The following CSMD3 variants were observed in gnomAD, a reference collection of about 807,000 sequenced individuals.
The protein encoded by CSMD3 is CUB and sushi domain-containing protein 3.
Under a neutral mutation model 435.2 loss-of-function variants are expected in CSMD3, and 177 were observed. The ratio of observed to expected loss-of-function variants is 0.41; its 90% CI spans 0.36 to 0.46. The LOEUF (loss-of-function observed/expected upper bound fraction) is 0.46. Among genes scored for constraint, CSMD3 ranks in the 20% least tolerant of loss-of-function variants. CSMD3 has a pLI of 0.34. For missense variants in CSMD3, 4,265 were observed against 4,504.6 expected (o/e 0.95, Z 1.52); for synonymous variants, 1,656 against 1,520.5 (o/e 1.09, Z -2.07).
intron 11 of CSMD3, among the ~76,000 whole-genome samples, chr8:112,842,503 G>C (rs1461815144): frequency 6.6e-6 from 1 of 151,476 alleles, no homozygotes; most frequent in African/African-American, 2.4e-5. Context: ...GGTGGTAGCA[G>C]TTGCAGTAGT....
intron 13 of CSMD3, among the ~76,000 whole-genome samples, chr8:112,712,262 T>C (rs1437938302): frequency 6.6e-6 from 1 of 152,066 alleles, no homozygotes; most frequent in Admixed American, 6.6e-5. Flanking sequence ...CAAACAACAA[T>C]AAAAAACACC....
At chr8:112,622,096 T>C (rs748475566) in intron 22 of CSMD3, among the ~76,000 whole-genome samples, 63 of 152,184 alleles carry the variant, frequency 4.1e-4, no homozygotes, top group Non-Finnish European at 5.4e-4. Flanking sequence ...ACCAAATATT[T>C]GCGTCTGAAT....
chr8:112,537,471 AATTAACAATTTTTTCTTAGCTAG>A (rs1271008208), intron 27 of CSMD3, among the ~76,000 whole-genome samples: 1 of 151,948 alleles, frequency 6.6e-6, no homozygotes, highest in African/African-American at 2.4e-5. Context: ...AGATAAACTA[AATTAACAATTTTTTCTTAGCTAG>A]ATTAAGAGAA....
intron 24 of CSMD3, among the ~76,000 whole-genome samples, chr8:112,557,739 C>T (rs1232811920): frequency 1.3e-5 from 2 of 151,918 alleles, no homozygotes; most frequent in African/African-American, 2.4e-5. Flanking sequence ...CCCTTCTGGA[C>T]CTCAGCTATG....
At chr8:112,887,375 A>C (rs2081635272) in intron 10 of CSMD3, among the ~76,000 whole-genome samples, 1 of 151,332 alleles carries the variant, frequency 6.6e-6, no homozygotes, top group African/African-American at 2.4e-5. Flanking sequence ...GAGGTAATCT[A>C]ATAGAGTATT....
At chr8:112,615,447 GTTT>G (rs1042225727) in intron 22 of CSMD3, among the ~76,000 whole-genome samples, 19 of 151,966 alleles carry the variant, frequency 1.3e-4, no homozygotes, top group African/African-American at 4.3e-4. Context: ...TTAATTGAGA[GTTT>G]TTTTTATCTT....
In CSMD3 at chr8:112,685,395, C is replaced by A. The variant is rs775949017; in HGVS notation, c.2482+11G>T. 8.7e-6 allele frequency: 14 copies of A among 1,605,380 alleles called. No homozygotes were observed. The South Asian group carries it at 1.4e-4, about 16-fold the overall frequency. On this transcript the variant is annotated intron_variant, in intron 15 of 70. Coordinates refer to ENST00000297405, the MANE Select transcript of CSMD3 (RefSeq NM_198123.2). ...ATATTATATGGGAAAAAAACAGAAA[C>A]AGAAACTTACTGTTGTAAGTGATGT...
intron 3 of CSMD3, among the ~76,000 whole-genome samples, chr8:113,247,504 C>T (rs868075514): frequency 1.3e-5 from 2 of 152,140 alleles, no homozygotes; most frequent in South Asian, 4.2e-4. Flanking sequence ...AATTATCAAC[C>T]ACTGAGATTT....
chr8:112,802,373 T>G (rs1004216170), intron 12 of CSMD3, among the ~76,000 whole-genome samples: 30 of 152,016 alleles, frequency 2.0e-4, no homozygotes, highest in African/African-American at 7.0e-4. Context: ...TCTGGGGAGT[T>G]AAAGCCTAGG....
At chr8:112,792,543 T>C (rs907832251) in intron 13 of CSMD3, among the ~76,000 whole-genome samples, 1 of 152,156 alleles carries the variant, frequency 6.6e-6, no homozygotes, top group African/African-American at 2.4e-5. Context: ...AGGTTCAACA[T>C]ATAAATTTGG....
intron 56 of CSMD3, among the ~76,000 whole-genome samples, chr8:112,291,269 A>G (rs1368881512): frequency 4.6e-5 from 7 of 151,952 alleles, no homozygotes; most frequent in Admixed American, 2.0e-4. Flanking sequence ...TTCATATTTT[A>G]TATGCTCCAA....
intron 59 of CSMD3, among the ~76,000 whole-genome samples, chr8:112,270,363 T>TGTGTGTGTGTGTGTTAGGGGTGA (rs1554623020): frequency 7.2e-5 from 10 of 139,662 alleles, no homozygotes; most frequent in South Asian, 2.1e-4. Flanking sequence ...TGTGTGTGTG[T>TGTGTGTGTGTGTGTTAGGGGTGA]GTGTGTGTGT....
intron 37 of CSMD3, among the ~76,000 whole-genome samples, chr8:112,380,783 G>A (rs552468650): frequency 9.9e-5 from 15 of 152,164 alleles, no homozygotes; most frequent in Admixed American, 2.0e-4. Flanking sequence ...TCAGTATTCC[G>A]TGCACAAGCT....
intron 5 of CSMD3, among the ~76,000 whole-genome samples, chr8:113,058,440 T>C (rs1010871223): frequency 1.3e-5 from 2 of 151,894 alleles, no homozygotes; most frequent in African/African-American, 4.8e-5. Context: ...TAATAAACTT[T>C]CAAAACAAGG....
intron 5 of CSMD3, among the ~76,000 whole-genome samples, chr8:113,031,324 C>T (rs545513438): frequency 6.6e-6 from 1 of 151,738 alleles, no homozygotes; most frequent in South Asian, 2.1e-4. Flanking sequence ...TAAAAAGGAA[C>T]AAACTACTGA....
chr8:112,879,469 T>C (rs1173890575), intron 10 of CSMD3, among the ~76,000 whole-genome samples: 1 of 152,094 alleles, frequency 6.6e-6, no homozygotes, highest in Non-Finnish European at 1.5e-5. Flanking sequence ...CACCCAGAAC[T>C]TGTGATATCA....
intron 30 of CSMD3, among the ~76,000 whole-genome samples, chr8:112,498,133 T>C (rs1821560533): frequency 6.6e-6 from 1 of 152,142 alleles, no homozygotes; most frequent in African/African-American, 2.4e-5. Context: ...TGTAGTCTTG[T>C]GTAAATCATT....
chr8:113,107,030 C>T (rs537855777), intron 4 of CSMD3, among the ~76,000 whole-genome samples: 22 of 152,314 alleles, frequency 1.4e-4, no homozygotes, highest in Non-Finnish European at 2.9e-4. Context: ...CCCTCCAATT[C>T]ACCTATGCTC....
intron 32 of CSMD3, among the ~76,000 whole-genome samples, chr8:112,424,928 G>T (rs1464693827): frequency 6.6e-6 from 1 of 152,152 alleles, no homozygotes. Flanking sequence ...TCGACCTTGC[G>T]GTCTGCCCAC....
Sources: gnomAD v4.1 joint callset for allele counts (sites outside exome capture counted in the v4.1 genomes callset) on GRCh38, gnomAD v4.1.1 for gene constraint, MANE v1.5 for transcripts, NCBI Gene and HGNC (gene_info 2026-07-23, HGNC 2026-07-21) for gene names.